The following FAM13A variants were observed in gnomAD, a reference collection of about 807,000 sequenced individuals.
FAM13A encodes protein FAM13A.
A neutral mutation model predicts 129.6 loss-of-function variants in FAM13A; 76 were observed. The observed-to-expected ratio is 0.59, with a 90% CI of 0.49 to 0.71. The LOEUF (loss-of-function observed/expected upper bound fraction) is 0.71. FAM13A is among the 30% of genes least tolerant of loss of function. The probability of loss-of-function intolerance (pLI) is 0.00; values close to 1 mark genes in which losing one functional copy is unlikely to be tolerated. For synonymous variants in FAM13A, 443 were observed against 449.9 expected, an observed-to-expected ratio of 0.98 and a Z score of 0.20; for missense variants, 1,108 against 1,249.3, an observed-to-expected ratio of 0.89 and a Z score of 1.70.
intron 10 of FAM13A, among the ~76,000 whole-genome samples, chr4:88,785,352 G>A (rs908401298): frequency 1.3e-5 from 2 of 152,144 alleles, no homozygotes; most frequent in South Asian, 2.1e-4. Flanking sequence ...CAATTGTATA[G>A]AAGCATATAC....
At chr4:88,791,884 C>T (rs1427548354) in intron 8 of FAM13A, among the ~76,000 whole-genome samples, 1 of 152,032 alleles carries the variant, frequency 6.6e-6, no homozygotes, top group African/African-American at 2.4e-5. Context: ...CTCCCACTAC[C>T]ACCACCATCA....
chr4:88,897,887 T>C (rs1267013996), intron 6 of FAM13A, among the ~76,000 whole-genome samples: 2 of 152,144 alleles, frequency 1.3e-5, no homozygotes, highest in Non-Finnish European at 2.9e-5. Context: ...ATTACAAAGA[T>C]AATCACCCCA....
intron 13 of FAM13A, among the ~76,000 whole-genome samples, chr4:88,765,589 A>C (rs1416004574): frequency 2.0e-5 from 3 of 152,226 alleles, no homozygotes; most frequent in Non-Finnish European, 4.4e-5. Context: ...CTAACAGCAC[A>C]CTGAAACAAG....
intron 3 of FAM13A, among the ~76,000 whole-genome samples, chr4:88,994,217 A>C (rs1314232212): frequency 2.6e-5 from 4 of 152,176 alleles, no homozygotes; most frequent in African/African-American, 9.7e-5. Flanking sequence ...CTACATTTAT[A>C]ATTTACTTCT....
chr4:89,015,268 T>C (rs147622487), intron 3 of FAM13A, among the ~76,000 whole-genome samples: 1 of 152,272 alleles, frequency 6.6e-6, no homozygotes, highest in African/African-American at 2.4e-5. Context: ...CCTGCCTCCA[T>C]TTGCCTTGTA....
chr4:88,857,807 G>A (rs1213171694), intron 6 of FAM13A, among the ~76,000 whole-genome samples: 1 of 151,926 alleles, frequency 6.6e-6, no homozygotes, highest in African/African-American at 2.4e-5. Flanking sequence ...AATGTTTGTG[G>A]GTTTTGTTAA....
chr4:89,037,408 A>G (rs545846442), intron 1 of FAM13A, among the ~76,000 whole-genome samples: 7 of 152,306 alleles, frequency 4.6e-5, no homozygotes, highest in Non-Finnish European at 8.8e-5. Context: ...CTGCCTTTTG[A>G]AATGGATGTA....
At chr4:88,882,047 G>A (rs1310104274) in intron 6 of FAM13A, among the ~76,000 whole-genome samples, 1 of 152,140 alleles carries the variant, frequency 6.6e-6, no homozygotes, top group Non-Finnish European at 1.5e-5. Flanking sequence ...TAAAACTTGG[G>A]AAAACATATT....
intron 2 of FAM13A, among the ~76,000 whole-genome samples, chr4:89,023,235 T>C (rs1207447458): frequency 6.6e-6 from 1 of 152,170 alleles, no homozygotes; most frequent in African/African-American, 2.4e-5. Context: ...CAAAAGTTTA[T>C]CTTTAGCTTC....
intron 8 of FAM13A, among the ~76,000 whole-genome samples, chr4:88,799,383 C>T (rs796837440): frequency 1.6e-4 from 24 of 152,204 alleles, no homozygotes; most frequent in African/African-American, 5.3e-4. Flanking sequence ...GTGTACTTTA[C>T]CTGTGGAAAT....
At chr4:88,828,282 A>G (rs1733347132) in intron 7 of FAM13A, among the ~76,000 whole-genome samples, 1 of 152,098 alleles carries the variant, frequency 6.6e-6, no homozygotes, top group Non-Finnish European at 1.5e-5. Flanking sequence ...CTGAGACCAC[A>G]GGCGCATGCT....
intron 2 of FAM13A, among the ~76,000 whole-genome samples, chr4:89,023,132 C>T (rs754504501): frequency 1.2e-4 from 18 of 152,150 alleles, no homozygotes; most frequent in Non-Finnish European, 5.9e-5. Context: ...GAATACGATA[C>T]GCCTTTCCCT....
chr4:88,918,731 C>G lies in FAM13A; in HGVS notation c.760-12269G>C, dbSNP rs1203014534. Among the ~76,000 whole-genome samples, 4 of 152,260 alleles carry G rather than the reference C, an allele frequency of 2.6e-5. No homozygotes were observed. The East Asian group carries it at 7.7e-4, about 29-fold the overall frequency. On this transcript the variant is annotated intron_variant, in intron 5 of 23. Transcript: ENST00000264344. ...GCCTTTAATCATTATCAGGTCTTTC[C>G]TAAGTATTCAACTAAGCTTTGTGGC... is the stretch of plus-strand genomic sequence containing the variant.
At chr4:88,795,089 C>T (rs572206997) in intron 8 of FAM13A, among the ~76,000 whole-genome samples, 1 of 151,796 alleles carries the variant, frequency 6.6e-6, no homozygotes, top group East Asian at 1.9e-4. Flanking sequence ...TTTAGTGGAA[C>T]ATTTGTTGGT....
rs748986326 is a variant in FAM13A, at chr4:88,787,747, A to G, written c.1271+6T>C. 6.2e-6 allele frequency: 10 copies of G among 1,609,436 alleles called. No individual in the cohort carries two copies. Among genetic ancestry groups the G allele is most frequent in the Middle Eastern group, 1.7e-4 (1 of 6,024 alleles). ...CAAGTAAGAGGAAGAATCAATGCCAACTCACTTGTCTCTCCCATGTCGAAC... is the reference window on the plus strand; with the variant it reads ...CAAGTAAGAGGAAGAATCAATGCCAGCTCACTTGTCTCTCCCATGTCGAAC... On this transcript the variant is annotated splice_donor_region_variant and intron_variant, in intron 10 of 23. Transcript: ENST00000264344.
chr4:88,807,829 T>C (rs1301703118), intron 7 of FAM13A, among the ~76,000 whole-genome samples: 1 of 152,212 alleles, frequency 6.6e-6, no homozygotes, highest in Non-Finnish European at 1.5e-5. Flanking sequence ...ATTTTAATCA[T>C]AAGCAAATAT....
chr4:88,889,710 C>T (rs1255846083), intron 6 of FAM13A, among the ~76,000 whole-genome samples: 1 of 152,120 alleles, frequency 6.6e-6, no homozygotes, highest in African/African-American at 2.4e-5. Flanking sequence ...CGCCTTCTAT[C>T]TTCTTTTTCA....
rs367873144 is a variant in FAM13A at position 88,977,283 on chromosome 4, T to TACTA, written c.605+13686_605+13689dup. 2.8e-3 allele frequency among the ~76,000 whole-genome samples: 432 copies of TACTA among 152,266 alleles called. 6 individuals carry two copies. Among genetic ancestry groups the TACTA allele is most frequent in the African/African-American group, 9.7e-3 (402 of 41,542 alleles). ...CAGTCCATCTAATAACCAAGATGCCTACTAAGTAACGAACAGGTAGGTAGC... is the reference window on the plus strand; with the variant it reads ...CAGTCCATCTAATAACCAAGATGCCTACTAACTAAGTAACGAACAGGTAGGTAGC... On this transcript the variant is annotated intron_variant, in intron 4 of 23. Transcript: ENST00000264344.
chr4:88,763,065 G>A (rs913792915), intron 13 of FAM13A, among the ~76,000 whole-genome samples: 20 of 152,264 alleles, frequency 1.3e-4, no homozygotes, highest in African/African-American at 3.9e-4. Context: ...GGGTTTTAGA[G>A]GCAGAGACTC....
Sources: allele counts gnomAD v4.1 joint callset (sites outside exome capture counted in the v4.1 genomes callset), GRCh38; gene constraint gnomAD v4.1.1; transcripts MANE v1.5; gene names NCBI Gene and HGNC (gene_info 2026-07-23, HGNC 2026-07-21).